The following NTRK3 variants were observed in gnomAD, a reference collection of about 807,000 sequenced individuals.
The protein encoded by NTRK3 is neurotrophic receptor tyrosine kinase 3.
In NTRK3, 24 loss-of-function variants were observed where a neutral mutation model predicts 91.7. That is an observed-to-expected ratio of 0.26 (90% CI 0.19 to 0.37). The LOEUF is 0.37. Ranked by LOEUF, NTRK3 falls within the 10% of genes least tolerant of loss-of-function variation. NTRK3 has a pLI of 1.00. For synonymous variants in NTRK3, 483 were observed against 404.0 expected (o/e 1.20, Z -2.34); for missense variants, 880 against 1,068.9 (o/e 0.82, Z 2.46).
chr15:88,175,696 C>T (rs2045932285), intron 5 of NTRK3, among the ~76,000 whole-genome samples: 1 of 152,072 alleles, frequency 6.6e-6, no homozygotes, highest in Non-Finnish European at 1.5e-5. Context: ...TTGTTATGGG[C>T]CAGACATTCT....
chr15:88,085,533 C>G (rs2150699570), intron 13 of NTRK3, among the ~76,000 whole-genome samples: 1 of 152,266 alleles, frequency 6.6e-6, no homozygotes, highest in African/African-American at 2.4e-5. Flanking sequence ...CTGCCTGGAG[C>G]CAAACTCAGC....
chr15:88,010,171 C>T (rs1278957233), intron 14 of NTRK3, among the ~76,000 whole-genome samples: 1 of 152,204 alleles, frequency 6.6e-6, no homozygotes, highest in African/African-American at 2.4e-5. Context: ...GGCTTCCAGG[C>T]CTCAGCTCCT....
Position 88,234,557 on chromosome 15 carries a change from C to T in NTRK3, c.248+21349G>A, listed in dbSNP as rs1189047290. Among the ~76,000 whole-genome samples, 2 of 152,152 alleles carry T rather than the reference C, an allele frequency of 1.3e-5. No individual in the cohort carries two copies. The highest frequency in any genetic ancestry group is 2.9e-5 in the Non-Finnish European group (2 of 68,008). The stretch of plus-strand genomic sequence containing the variant: ...TAGCTCTCCATCGCCTCTGCCCTCG[C>T]CATGTTGCTAGTGCCTGCTCATCCC... On this transcript the variant is annotated intron_variant, in intron 3 of 18. Coordinates refer to ENST00000394480, the Ensembl canonical transcript of NTRK3. The surrounding 1 kb of genome is among the most constrained non-coding windows in gnomAD (Gnocchi z 6.1).
intron 13 of NTRK3, among the ~76,000 whole-genome samples, chr15:88,082,091 A>G (rs1378404129): frequency 6.6e-6 from 1 of 152,024 alleles, no homozygotes; most frequent in African/African-American, 2.4e-5. Flanking sequence ...CCTGACTAAC[A>G]CGGTGAAACC....
At chr15:88,128,877 C>T in intron 10 of NTRK3, 143 bp from the exon 11 acceptor site, 3 of 755,982 alleles carry the variant, frequency 4.0e-6, no homozygotes, top group South Asian at 1.5e-5. Flanking sequence ...ATGCATGGCA[C>T]ATCACCCGTC....
At chr15:88,002,276 G>A (rs57675997) in intron 14 of NTRK3, among the ~76,000 whole-genome samples, 1 of 146,606 alleles carries the variant, frequency 6.8e-6, no homozygotes, top group Non-Finnish European at 1.5e-5. Flanking sequence ...TCACACAGGA[G>A]AACTGTACCA....
intron 3 of NTRK3, among the ~76,000 whole-genome samples, chr15:88,207,217 T>C (rs1033206826): frequency 8.5e-5 from 13 of 152,130 alleles, no homozygotes; most frequent in African/African-American, 3.1e-4. Flanking sequence ...GACTATTATA[T>C]TACCTGCCTC....
chr15:88,201,809 G>A (rs545620000), intron 3 of NTRK3, among the ~76,000 whole-genome samples: 10 of 152,260 alleles, frequency 6.6e-5, no homozygotes, highest in South Asian at 2.1e-4. Context: ...GTTTGCCAAG[G>A]AGCCCCTGTC....
At chr15:88,061,411 T>A (rs751048008) in intron 13 of NTRK3, among the ~76,000 whole-genome samples, 3 of 152,220 alleles carry the variant, frequency 2.0e-5, no homozygotes, top group Non-Finnish European at 4.4e-5. Context: ...GGACACGGAA[T>A]GCTTGTGCTG....
exon 19 of NTRK3, chr15:87,861,813 T>C: frequency 5.0e-6 from 1 of 201,732 alleles, no homozygotes. Context: ...TTGTATTCGC[T>C]GGCCAGTTCC....
intron 17 of NTRK3, among the ~76,000 whole-genome samples, chr15:87,921,466 T>C (rs2067864755): frequency 6.6e-6 from 1 of 152,154 alleles, no homozygotes; most frequent in South Asian, 2.1e-4. Flanking sequence ...TTATCACCAG[T>C]TAAGCTAGGG....
At chr15:88,214,735 A>G (rs1297695083) in intron 3 of NTRK3, among the ~76,000 whole-genome samples, 1 of 151,496 alleles carries the variant, frequency 6.6e-6, no homozygotes, top group Non-Finnish European at 1.5e-5. Flanking sequence ...CTATTTCCCA[A>G]GCAAGATGCA....
At chr15:88,230,332 T>A (rs1350540102) in intron 3 of NTRK3, among the ~76,000 whole-genome samples, 1 of 152,232 alleles carries the variant, frequency 6.6e-6, no homozygotes, top group Non-Finnish European at 1.5e-5. Flanking sequence ...AAAGTTCATA[T>A]ATGGAAACCT....
intron 17 of NTRK3, among the ~76,000 whole-genome samples, chr15:87,898,108 C>T (rs1342535187): frequency 6.6e-6 from 1 of 152,180 alleles, no homozygotes; most frequent in African/African-American, 2.4e-5. Context: ...TTGAAAGATG[C>T]TAATTTCTCA....
rs1353236471 is a variant in NTRK3 at position 88,149,179 on chromosome 15, C to T, written c.396-1776G>A. ...ACCAGACACTAAAATACAAGAACAA[C>T]CAAAGGGACATGGCTTTCCCTTCTC... is the stretch of plus-strand genomic sequence containing the variant. On this transcript the variant is annotated intron_variant, in intron 5 of 18. Transcript: ENST00000394480. Among the ~76,000 whole-genome samples the T allele has an allele frequency of 2.0e-5, 3 of 152,118 alleles. No homozygotes were observed. The East Asian group carries it at 5.8e-4, about 29-fold the overall frequency.
At chr15:88,045,501 C>A (rs1015629114) in intron 13 of NTRK3, among the ~76,000 whole-genome samples, 1 of 152,206 alleles carries the variant, frequency 6.6e-6, no homozygotes, top group African/African-American at 2.4e-5. Context: ...ACAAAATATA[C>A]GTTGCCCCAA....
At chr15:88,014,375 A>T (rs527924526) in intron 14 of NTRK3, among the ~76,000 whole-genome samples, 1 of 152,184 alleles carries the variant, frequency 6.6e-6, no homozygotes, top group African/African-American at 2.4e-5. Context: ...GTTTAATATC[A>T]TTGAACTATG....
At chr15:88,185,469 T>C (rs780848855) in intron 3 of NTRK3, among the ~76,000 whole-genome samples, 1 of 152,182 alleles carries the variant, frequency 6.6e-6, no homozygotes. Flanking sequence ...CATTACACTA[T>C]TAATTATCAA....
At chr15:87,900,869 G>C (rs749799878) in intron 17 of NTRK3, among the ~76,000 whole-genome samples, 1 of 152,120 alleles carries the variant, frequency 6.6e-6, no homozygotes. Context: ...GAAAGACTTC[G>C]ACTAGTTGAC....
Sources: allele counts gnomAD v4.1 joint callset (sites outside exome capture counted in the v4.1 genomes callset), GRCh38; gene constraint gnomAD v4.1.1; non-coding constraint Gnocchi (gnomAD v3.1); transcripts MANE v1.5; gene names NCBI Gene and HGNC (gene_info 2026-07-23, HGNC 2026-07-21).